Variants in ERCC2 observed in about 807,000 individuals in gnomAD.
ERCC2 encodes the protein general transcription and DNA repair factor IIH helicase subunit XPD.
ERCC2 carries 90 observed loss-of-function variants against 99.4 expected under a neutral mutation model. That is an observed-to-expected ratio of 0.91 (90% confidence interval 0.76 to 1.08). The LOEUF is 1.08. Ranked by LOEUF, ERCC2 falls within the 50% of genes least tolerant of loss-of-function variation. The probability of loss-of-function intolerance (pLI) is 0.00; values close to 1 mark genes in which losing one functional copy is unlikely to be tolerated. For missense variants in ERCC2, 993 were observed against 1,038.1 expected (o/e 0.96, Z 0.60); for synonymous variants, 497 against 432.4 (o/e 1.15, Z -1.85).
chr19:45,350,093 C>CTT lies in ERCC2; in HGVS notation c.*1534_*1535dup, dbSNP rs1568526563. On this transcript the variant is annotated 3_prime_UTR_variant, in exon 23 of 23. Transcript: ENST00000391945. ...AAACCCACTCTGCCCCAGGGCAAGG[C>CTT]TTTAGGCAGGGGAAGGATACGGCCA... is the stretch of plus-strand genomic sequence containing the variant. 1 of 533,100 alleles carries CTT rather than the reference C, an allele frequency of 1.9e-6. No individual in the cohort carries two copies. Among genetic ancestry groups the CTT allele is most frequent in the Non-Finnish European group, 3.4e-6 (1 of 297,730 alleles). The allele number at this position is 533,100 out of a possible 1,614,324, so 33.0% of individuals were successfully genotyped here. A position where few individuals can be genotyped will look rare whatever the true frequency, so the allele number is the denominator to read the frequency against.
chr19:45,352,917 G>A, intron 19 of ERCC2, 101 bp from the exon 20 acceptor site: 6 of 1,277,392 alleles, frequency 4.7e-6, no homozygotes, highest in Non-Finnish European at 6.8e-6. Flanking sequence ...GTTGGGGGGA[G>A]AGGGTGTGTT....
chr19:45,351,973 G>A (rs973700595), intron 22 of ERCC2, among the ~76,000 whole-genome samples: 1 of 152,202 alleles, frequency 6.6e-6, no homozygotes, highest in African/African-American at 2.4e-5. Flanking sequence ...AACGCCCAAT[G>A]CCTCCTCACC....
rs764868582 is a variant in ERCC2, at chr19:45,352,319, G to C, written c.2080C>G (p.Pro694Ala). 1 of 1,613,966 alleles carries C rather than the reference G, an allele frequency of 6.2e-7. No homozygotes were observed. The highest frequency in any genetic ancestry group is 1.1e-5 in the South Asian group (1 of 91,088). The change falls in exon 22 of 23, where the codon CCC becomes GCC. Residue 694 changes from proline (P) to alanine (A), a missense_variant. Transcript: ENST00000391945. ...GTGAGGTGCTCCTGGATCCAGCGGGGCAGCTTCCCCCGCTTGTCCCCACGG... is the reference window on the plus strand; with the variant it reads ...GTGAGGTGCTCCTGGATCCAGCGGGCCAGCTTCCCCCGCTTGTCCCCACGG... ...FARGDKRGKL[P>A]RWIQEHLTDA... is the part of the protein sequence containing the mutation.
rs1434071985 is a variant in ERCC2 at position 45,370,144 on chromosome 19, G to A, written c.94C>T (p.Leu32=). ...FSYMRELKRT[L]DAKGHGVLEM... Reference sequence around the variant, plus strand: ...CACCGGCCACCCACCTTGGCGTCCAGCGTGCGTTTGAGCTCCCGCATGTAG... The same window carrying A: ...CACCGGCCACCCACCTTGGCGTCCAACGTGCGTTTGAGCTCCCGCATGTAG... The change falls in exon 2 of 23, where the codon CTG becomes TTG. Residue 32 remains leucine (L), a synonymous_variant. Transcript: ENST00000391945. 3 of 1,613,148 alleles carry A rather than the reference G, an allele frequency of 1.9e-6. No homozygotes were observed. In the South Asian group the frequency reaches 3.3e-5, roughly 18 times the overall value.
chr19:45,352,547 T>A lies in ERCC2; in HGVS notation c.2005A>T (p.Arg669Trp). 1 of 1,613,952 alleles carries A rather than the reference T, an allele frequency of 6.2e-7. No homozygotes were observed. Among genetic ancestry groups the A allele is most frequent in the South Asian group, 1.1e-5 (1 of 91,080 alleles). ...HAAQCVGRAI[R>W]GKTDYGLMVF... is the part of the protein sequence containing the mutation. The stretch of plus-strand genomic sequence containing the variant: ...ATGAGGCCGTAGTCCGTCTTGCCCC[T>A]GATGGCCCGACCCACACACTGGGCC... Residue 669 changes from arginine (R) to tryptophan (W), a missense_variant, in exon 21 of 23, where the codon AGG becomes TGG. Transcript: ENST00000391945.
At chr19:45,353,668 C>A (rs3916874) in intron 17 of ERCC2, among the ~76,000 whole-genome samples, 1 of 152,048 alleles carries the variant, frequency 6.6e-6, no homozygotes, top group Non-Finnish European at 1.5e-5. Context: ...CCATATGACA[C>A]TACAATAGAG....
At chr19:45,362,615 C>A (rs1000761424) in intron 11 of ERCC2, among the ~76,000 whole-genome samples, 2 of 152,248 alleles carry the variant, frequency 1.3e-5, no homozygotes, top group African/African-American at 2.4e-5. Flanking sequence ...GCGCCTACCC[C>A]GGCTGGTCGC....
At chr19:45,352,961 G>A (rs1366907670) in intron 19 of ERCC2, 122 bp downstream of exon 19, 1 of 1,217,292 alleles carries the variant, frequency 8.2e-7, no homozygotes, top group African/African-American at 1.5e-5. Flanking sequence ...GGGGAGGGGA[G>A]GGCCCCTCTG....
chr19:45,365,472 G>C (rs956729551), intron 5 of ERCC2, among the ~76,000 whole-genome samples: 1 of 152,138 alleles, frequency 6.6e-6, no homozygotes, highest in Non-Finnish European at 1.5e-5. Flanking sequence ...TTAGCCAGGC[G>C]TGGTGGCACA....
At chr19:45,361,747 A>G (rs776600583) in intron 11 of ERCC2, 105 bp from the exon 12 acceptor site, 5 of 833,194 alleles carry the variant, frequency 6.0e-6, no homozygotes, top group South Asian at 2.8e-5. Context: ...TCCCCAGCCA[A>G]TGAGCACTCA....
At chr19:45,361,978 C>T (rs984239604) in intron 11 of ERCC2, 3 of 331,040 alleles carry the variant, frequency 9.1e-6, no homozygotes, top group South Asian at 2.6e-5. Flanking sequence ...GCCCTGTCAT[C>T]CAGGCTGGAG....
intron 15 of ERCC2, 86 bp downstream of exon 15, chr19:45,357,184 C>T (rs1200952128): frequency 2.1e-6 from 2 of 947,680 alleles, no homozygotes; most frequent in African/African-American, 1.6e-5. Flanking sequence ...GCTCTCCTGC[C>T]TGAGCAGTGG....
Position 45,350,882 on chromosome 19 carries a change from G to A in ERCC2, c.*747C>T, listed in dbSNP as rs2090895453. 6.4e-7 allele frequency: 1 copy of A among 1,553,942 alleles called. No individual in the cohort carries two copies. Among genetic ancestry groups the A allele is most frequent in the African/African-American group, 1.4e-5 (1 of 72,758 alleles). Reference sequence around the variant, plus strand: ...GTGATACACACAGATCAAACCCTGTGCTGGAAAGGTCCCTCGTGGAGGGGG... The same window carrying A: ...GTGATACACACAGATCAAACCCTGTACTGGAAAGGTCCCTCGTGGAGGGGG... On this transcript the variant is annotated 3_prime_UTR_variant, in exon 23 of 23. Coordinates refer to ENST00000391945, the MANE Select transcript of ERCC2 (RefSeq NM_000400.4).
rs895643159 is a variant in ERCC2, at chr19:45,370,479, C to T, written c.5+57G>A. 5 of 1,552,056 alleles carry T rather than the reference C, an allele frequency of 3.2e-6. No homozygotes were observed. In the African/African-American group the frequency reaches 6.8e-5, roughly 21 times the overall value. ...GACCCAGGCGCGCCCACCGATGACC[C>T]CATCTTCAAGACCCCCCGCGCCCGC... On this transcript the variant is annotated intron_variant, in intron 1 of 22. Coordinates refer to ENST00000391945, the MANE Select transcript of ERCC2 (RefSeq NM_000400.4).
At position 45,350,763 on chromosome 19, in the gene ERCC2, G is replaced by GGC. The variant is rs1371240535; in HGVS notation, c.*865_*866insGC. On this transcript the variant is annotated 3_prime_UTR_variant, in exon 23 of 23. Transcript: ENST00000391945. ...GAGCAGCCGGGTGAGTGTTGATCAG[G>GGC]TCGGCAAAGAGCCCTGACATCAGCA... 3.7e-6 allele frequency: 6 copies of GGC among 1,600,120 alleles called. No homozygotes were observed. The African/African-American group carries it at 8.0e-5, about 21-fold the overall frequency.
chr19:45,351,481 G>A lies in ERCC2; in HGVS notation c.*148C>T. On this transcript the variant is annotated 3_prime_UTR_variant, in exon 23 of 23. Coordinates refer to ENST00000391945, the MANE Select transcript of ERCC2 (RefSeq NM_000400.4). Reference sequence around the variant, plus strand: ...GCCTCTGGGTACCTGGTGGATAGCTGCCTTCTCCTGCGATTAAAGGCTGTG... The same window carrying A: ...GCCTCTGGGTACCTGGTGGATAGCTACCTTCTCCTGCGATTAAAGGCTGTG... The A allele has an allele frequency of 4.4e-6, 7 of 1,587,354 alleles. No homozygotes were observed. The highest frequency in any genetic ancestry group is 1.7e-4 in the Middle Eastern group (1 of 5,918).
rs947013201 is a variant in ERCC2, at chr19:45,358,043, C to T, written c.1238-344G>A. On this transcript the variant is annotated intron_variant, in intron 12 of 22. Coordinates refer to ENST00000391945, the MANE Select transcript of ERCC2 (RefSeq NM_000400.4). Reference sequence around the variant, plus strand: ...AGAGCCTCAAGCTTTCTCCCATGACCTTTTCTTGTTTTTGTTTTTTGAGAT... The same window carrying T: ...AGAGCCTCAAGCTTTCTCCCATGACTTTTTCTTGTTTTTGTTTTTTGAGAT... 2.1e-5 allele frequency: 9 copies of T among 430,524 alleles called. No homozygotes were observed. In the Admixed American group the frequency reaches 2.1e-4, roughly 10 times the overall value. The allele number at this position is 430,524 out of a possible 1,614,324, so 26.7% of individuals were successfully genotyped here.
At chr19:45,365,253 G>C in intron 5 of ERCC2, 95 bp from the exon 6 acceptor site, 2 of 921,976 alleles carry the variant, frequency 2.2e-6, no homozygotes, top group East Asian at 2.5e-5. Context: ...CTGGGGTTTT[G>C]GACAACTTGA....
In ERCC2 at chr19:45,350,985, A is replaced by G; in HGVS notation, c.*644T>C. 6.2e-7 allele frequency: 1 copy of G among 1,614,040 alleles called. No homozygotes were observed. The highest frequency in any genetic ancestry group is 1.3e-5 in the African/African-American group (1 of 74,976). ...GAGAGCCATGTCACTCAACACACTG[A>G]ACGTGGATGCTCCAAGGGCTCCTGG... On this transcript the variant is annotated 3_prime_UTR_variant, in exon 23 of 23. Coordinates refer to ENST00000391945, the MANE Select transcript of ERCC2 (RefSeq NM_000400.4).
Sources: allele counts gnomAD v4.1 joint callset (sites outside exome capture counted in the v4.1 genomes callset), GRCh38; gene constraint gnomAD v4.1.1; transcripts MANE v1.5; gene names NCBI Gene and HGNC (gene_info 2026-07-23, HGNC 2026-07-21).